Variants in AFF3 observed in about 807,000 individuals in gnomAD.
The protein encoded by AFF3 is ALF transcription elongation factor 3.
Under a neutral mutation model 129.7 loss-of-function variants are expected in AFF3, and 32 were observed. The observed-to-expected ratio is 0.25, with a 90% CI of 0.19 to 0.33. The LOEUF (loss-of-function observed/expected upper bound fraction) is 0.33, where lower values mean the gene tolerates loss of function less well. AFF3 is among the 10% of genes least tolerant of loss of function. The probability of loss-of-function intolerance (pLI) is 1.00; values close to 1 mark genes in which losing one functional copy is unlikely to be tolerated. For synonymous variants in AFF3, 644 were observed against 635.4 expected (o/e 1.01, Z -0.20); for missense variants, 1,373 against 1,592.0 (o/e 0.86, Z 2.34).
intron 8 of AFF3, among the ~76,000 whole-genome samples, chr2:99,755,514 G>A (rs1016298786): frequency 3.3e-5 from 5 of 152,118 alleles, no homozygotes; most frequent in African/African-American, 1.2e-4. Context: ...TGATCCGCCT[G>A]CCTTGGCCTG....
chr2:100,012,192 A>G (rs1022996753), intron 4 of AFF3, among the ~76,000 whole-genome samples: 1 of 152,110 alleles, frequency 6.6e-6, no homozygotes, highest in Non-Finnish European at 1.5e-5. Context: ...CTTCCACACC[A>G]TAAGATGAAC....
chr2:100,139,003 C>T (rs1245824960), intron 1 of AFF3, among the ~76,000 whole-genome samples: 3 of 149,954 alleles, frequency 2.0e-5, no homozygotes, highest in African/African-American at 7.4e-5. Flanking sequence ...TGAAGTTATG[C>T]ATCATTACAT....
chr2:99,955,312 A>G (rs576260722), intron 7 of AFF3, among the ~76,000 whole-genome samples: 50 of 152,216 alleles, frequency 3.3e-4, no homozygotes, highest in Non-Finnish European at 5.9e-4. Flanking sequence ...TATATAGAGT[A>G]TTCTGTCCTC....
intron 7 of AFF3, among the ~76,000 whole-genome samples, chr2:99,841,262 G>A (rs144300297): frequency 3.3e-5 from 5 of 152,242 alleles, no homozygotes; most frequent in African/African-American, 7.2e-5. Flanking sequence ...AAGGAAATGC[G>A]CTGAGAGAGA....
chr2:99,763,057 C>A (rs987328547), intron 8 of AFF3, among the ~76,000 whole-genome samples: 3 of 152,240 alleles, frequency 2.0e-5, no homozygotes, highest in African/African-American at 7.2e-5. Flanking sequence ...AAGAGGAAAA[C>A]ACCCCTACGG....
At chr2:99,553,645 G>A (rs1575327938) in intron 24 of AFF3, among the ~76,000 whole-genome samples, 1 of 151,888 alleles carries the variant, frequency 6.6e-6, no homozygotes, top group East Asian at 1.9e-4. Flanking sequence ...CGGGTGTGGT[G>A]GCTCACGCCT....
intron 7 of AFF3, among the ~76,000 whole-genome samples, chr2:99,883,633 G>A (rs892574321): frequency 1.3e-5 from 2 of 152,202 alleles, no homozygotes; most frequent in Admixed American, 6.5e-5. Context: ...ATTTCATGGA[G>A]AGAAGGAAAA....
intron 8 of AFF3, among the ~76,000 whole-genome samples, chr2:99,814,229 C>G (rs575530552): frequency 6.8e-6 from 1 of 146,550 alleles, no homozygotes; most frequent in Admixed American, 6.8e-5. Context: ...TCTAATCACA[C>G]AAACCACCAC....
intron 7 of AFF3, among the ~76,000 whole-genome samples, chr2:99,847,414 T>C (rs1215505185): frequency 6.6e-6 from 1 of 152,050 alleles, no homozygotes; most frequent in Non-Finnish European, 1.5e-5. Flanking sequence ...GACCTTTAGT[T>C]CGTGCCTGTA....
At chr2:99,614,637 T>C (rs1302483806) in intron 13 of AFF3, among the ~76,000 whole-genome samples, 4 of 152,232 alleles carry the variant, frequency 2.6e-5, no homozygotes, top group Non-Finnish European at 5.9e-5. Context: ...CGCTTTGGCT[T>C]GGGGAATCTG....
intron 2 of AFF3, among the ~76,000 whole-genome samples, chr2:100,121,291 T>C (rs1691953184): frequency 6.6e-6 from 1 of 152,168 alleles, no homozygotes; most frequent in Non-Finnish European, 1.5e-5. Flanking sequence ...CTTCGGAGAA[T>C]ATAGTTGAAC....
intron 7 of AFF3, among the ~76,000 whole-genome samples, chr2:99,840,946 C>A (rs1168890581): frequency 1.3e-5 from 2 of 152,198 alleles, no homozygotes. Context: ...ACTTCTAAGT[C>A]CCAACCATTT....
At chr2:99,621,275 C>G (rs1681978128) in intron 13 of AFF3, among the ~76,000 whole-genome samples, 1 of 152,230 alleles carries the variant, frequency 6.6e-6, no homozygotes, top group Admixed American at 6.5e-5. Context: ...CCTGGGGTTT[C>G]CTCCCTAAAT....
rs186381479 is a variant in AFF3, at chr2:99,896,372, A to T, written c.874-58848T>A. On this transcript the variant is annotated intron_variant, in intron 7 of 24. Coordinates refer to ENST00000672756, the MANE Select transcript of AFF3 (RefSeq NM_001386135.1). ...CACCTGTGATCCCCAAATTCCAGAA[A>T]TATAGAAAGCCATCCTGACCCACTC... 6.0e-3 allele frequency among the ~76,000 whole-genome samples: 909 copies of T among 152,126 alleles called. 6 individuals are homozygous for T. The highest frequency in any genetic ancestry group is 0.011 in the Non-Finnish European group (718 of 67,986).
At chr2:99,995,476 C>T (rs1559041470) in intron 7 of AFF3, among the ~76,000 whole-genome samples, 1 of 151,946 alleles carries the variant, frequency 6.6e-6, no homozygotes, top group Non-Finnish European at 1.5e-5. Context: ...GGGTTCACGC[C>T]ATTCTCCTGC....
At chr2:99,805,851 CG>C (rs1686311035) in intron 8 of AFF3, among the ~76,000 whole-genome samples, 1 of 150,330 alleles carries the variant, frequency 6.7e-6, no homozygotes, top group Non-Finnish European at 1.5e-5. Context: ...CACACACACA[CG>C]ATGAAGGAAC....
At chr2:99,910,184 A>T (rs1695016869) in intron 7 of AFF3, among the ~76,000 whole-genome samples, 1 of 152,192 alleles carries the variant, frequency 6.6e-6, no homozygotes, top group Non-Finnish European at 1.5e-5. Flanking sequence ...TATTAAAATG[A>T]CCATTCAGGA....
intron 7 of AFF3, among the ~76,000 whole-genome samples, chr2:99,933,332 CTCTT>C (rs1006607876): frequency 3.6e-4 from 55 of 151,626 alleles, no homozygotes; most frequent in East Asian, 9.7e-4. Context: ...ATTGGAAAGA[CTCTT>C]TTTTTTTAAG....
At chr2:99,835,825 CTCTT>C (rs1688831945) in intron 8 of AFF3, among the ~76,000 whole-genome samples, 1 of 152,274 alleles carries the variant, frequency 6.6e-6, no homozygotes, top group South Asian at 2.1e-4. Context: ...TCCACGTTCT[CTCTT>C]TGTTTCAGGC....
Sources: gnomAD v4.1 joint callset for allele counts (sites outside exome capture counted in the v4.1 genomes callset) on GRCh38, gnomAD v4.1.1 for gene constraint, MANE v1.5 for transcripts, NCBI Gene and HGNC (gene_info 2026-07-23, HGNC 2026-07-21) for gene names.